The following ALPK2 variants were observed in gnomAD, a reference collection of about 807,000 sequenced individuals.
ALPK2 encodes alpha kinase 2.
Under a neutral mutation model 163.1 loss-of-function variants are expected in ALPK2, and 127 were observed. That is an observed-to-expected ratio of 0.78 (90% CI 0.67 to 0.90). The LOEUF is 0.90. Among genes scored for constraint, ALPK2 ranks in the 40% least tolerant of loss-of-function variants. The pLI is 0.00. For missense variants in ALPK2, 2,360 were observed against 2,589.6 expected, an observed-to-expected ratio of 0.91 and a Z score of 1.92; for synonymous variants, 953 against 959.1, an observed-to-expected ratio of 0.99 and a Z score of 0.12.
At chr18:58,589,502 A>G (rs1442245646) in intron 3 of ALPK2, among the ~76,000 whole-genome samples, 2 of 152,224 alleles carry the variant, frequency 1.3e-5, no homozygotes, top group Non-Finnish European at 2.9e-5. Flanking sequence ...GAATATGAAG[A>G]CACGAGTTTG....
intron 3 of ALPK2, among the ~76,000 whole-genome samples, chr18:58,598,685 C>T (rs911752528): frequency 2.0e-5 from 3 of 152,206 alleles, no homozygotes; most frequent in Non-Finnish European, 4.4e-5. Flanking sequence ...CTGTCCATAA[C>T]TAGCCATCTC....
intron 4 of ALPK2, among the ~76,000 whole-genome samples, chr18:58,552,274 G>T (rs910185443): frequency 6.6e-6 from 1 of 152,064 alleles, no homozygotes; most frequent in Non-Finnish European, 1.5e-5. Flanking sequence ...AGGGGGCGGG[G>T]GAATATAATT....
intron 10 of ALPK2, among the ~76,000 whole-genome samples, chr18:58,509,201 A>G (rs2051476973): frequency 3.3e-5 from 5 of 152,120 alleles, no homozygotes. Context: ...ATGTCCCTAC[A>G]AAGACATGAA....
chr18:58,625,657 T>C (rs1026344089), intron 1 of ALPK2, among the ~76,000 whole-genome samples: 95 of 152,282 alleles, frequency 6.2e-4, no homozygotes, highest in African/African-American at 2.1e-3. Flanking sequence ...GAGGAGCAAA[T>C]GAGCGTGTTT....
intron 5 of ALPK2, 32 bp from the exon 6 acceptor site, chr18:58,529,270 C>A: frequency 6.3e-7 from 1 of 1,585,452 alleles, no homozygotes; most frequent in Non-Finnish European, 8.6e-7. Flanking sequence ...GTCAGTGTAA[C>A]AAAAGACTTT....
At chr18:58,558,067 G>A (rs566673917) in intron 4 of ALPK2, among the ~76,000 whole-genome samples, 1 of 152,282 alleles carries the variant, frequency 6.6e-6, no homozygotes, top group South Asian at 2.1e-4. Flanking sequence ...GTTTGAAGGA[G>A]GAACTGAATT....
At chr18:58,600,559 T>C (rs2052064115) in intron 3 of ALPK2, 1 of 152,178 alleles carries the variant, frequency 6.6e-6, no homozygotes, top group Admixed American at 6.5e-5. Context: ...ACCCCACGGC[T>C]CCTAGGGTCT....
intron 3 of ALPK2, among the ~76,000 whole-genome samples, chr18:58,589,111 A>G (rs1283642613): frequency 2.0e-5 from 3 of 152,222 alleles, no homozygotes; most frequent in African/African-American, 7.2e-5. Flanking sequence ...ACACTGTCAC[A>G]GCAGAACAGC....
intron 12 of ALPK2, among the ~76,000 whole-genome samples, chr18:58,493,738 C>T (rs1170901290): frequency 1.3e-5 from 2 of 152,154 alleles, no homozygotes; most frequent in East Asian, 3.9e-4. Context: ...ACGCTTGACA[C>T]AAGCCACACA....
chr18:58,567,871 C>T (rs2144184358), intron 4 of ALPK2, among the ~76,000 whole-genome samples: 1 of 152,280 alleles, frequency 6.6e-6, no homozygotes, highest in South Asian at 2.1e-4. Context: ...TGTCTAAGGG[C>T]AGGTTGAGTG....
At chr18:58,564,402 A>G (rs1473709818) in intron 4 of ALPK2, among the ~76,000 whole-genome samples, 2 of 152,084 alleles carry the variant, frequency 1.3e-5, no homozygotes, top group African/African-American at 4.8e-5. Context: ...GATTACAGGC[A>G]TGACCCACCA....
chr18:58,492,080 G>T (rs1398950361), intron 12 of ALPK2, among the ~76,000 whole-genome samples: 1 of 152,104 alleles, frequency 6.6e-6, no homozygotes, highest in African/African-American at 2.4e-5. Flanking sequence ...TCACTCCGCC[G>T]TTAGTCCCTC....
chr18:58,514,066 A>G (rs77692837), intron 10 of ALPK2, among the ~76,000 whole-genome samples: 5,421 of 152,208 alleles, frequency 0.036, 117 homozygotes, highest in Non-Finnish European at 0.045. Context: ...TTGGGGAAAA[A>G]AGGAGCCAGT....
chr18:58,552,270 C>T (rs12456687), intron 4 of ALPK2, among the ~76,000 whole-genome samples: 29,423 of 151,986 alleles, frequency 0.19, 3,341 homozygotes, highest in East Asian at 0.3. Flanking sequence ...TTGGAGGGGG[C>T]GGGGGAATAT....
chr18:58,569,345 C>T (rs1305742051), intron 4 of ALPK2, among the ~76,000 whole-genome samples: 1 of 152,202 alleles, frequency 6.6e-6, no homozygotes, highest in Non-Finnish European at 1.5e-5. Flanking sequence ...GAGGGCAAAA[C>T]CCAGGCAGCT....
At chr18:58,625,323 C>T (rs114327749) in intron 1 of ALPK2, among the ~76,000 whole-genome samples, 204 of 152,326 alleles carry the variant, frequency 1.3e-3, no homozygotes, top group African/African-American at 4.8e-3. Context: ...TTTATGTTTA[C>T]AGCACTGGCA....
At chr18:58,598,781 A>G (rs1156932169) in intron 3 of ALPK2, among the ~76,000 whole-genome samples, 1 of 152,170 alleles carries the variant, frequency 6.6e-6, no homozygotes, top group Non-Finnish European at 1.5e-5. Context: ...CGATTTCTAC[A>G]TGAGCAATAC....
intron 11 of ALPK2, among the ~76,000 whole-genome samples, chr18:58,499,114 G>C (rs2051418124): frequency 6.6e-6 from 1 of 152,188 alleles, no homozygotes; most frequent in Non-Finnish European, 1.5e-5. Context: ...TTTGGAACAC[G>C]TGGTCCTTGG....
chr18:58,580,806 T>C, intron 3 of ALPK2: 1 of 495,672 alleles, frequency 2.0e-6, no homozygotes, highest in Admixed American at 3.5e-5. Context: ...ATGCTGAGGA[T>C]TGCACCATGA....
Sources: allele counts gnomAD v4.1 joint callset (sites outside exome capture counted in the v4.1 genomes callset), GRCh38; gene constraint gnomAD v4.1.1; transcripts MANE v1.5; gene names NCBI Gene and HGNC (gene_info 2026-07-23, HGNC 2026-07-21).